Variants in DYM observed in about 807,000 individuals in gnomAD.
DYM encodes the protein dymeclin, also known as dyggve-Melchior-Clausen syndrome protein.
In DYM, 78 loss-of-function variants were observed where a neutral mutation model predicts 93.1. The observed-to-expected ratio is 0.84, with a 90% CI of 0.70 to 1.01. The LOEUF is 1.01. DYM is among the 50% of genes least tolerant of loss of function. DYM has a pLI of 0.00. For missense variants in DYM, 789 were observed against 845.0 expected (o/e 0.93, Z 0.82); for synonymous variants, 321 against 319.7 (o/e 1.00, Z -0.04).
intron 10 of DYM, among the ~76,000 whole-genome samples, chr18:49,272,692 C>A (rs1254128103): frequency 6.6e-6 from 1 of 152,072 alleles, no homozygotes; most frequent in Admixed American, 6.6e-5. Flanking sequence ...TGCTTAGCAC[C>A]ACCTTTTTAA....
intron 13 of DYM, among the ~76,000 whole-genome samples, chr18:49,226,700 A>C (rs1281404689): frequency 6.6e-6 from 1 of 152,204 alleles, no homozygotes; most frequent in Admixed American, 6.5e-5. Flanking sequence ...AGATTTGTTT[A>C]CAACTTACAT....
intron 8 of DYM, among the ~76,000 whole-genome samples, chr18:49,320,330 C>A (rs760443080): frequency 2.6e-5 from 4 of 152,120 alleles, no homozygotes; most frequent in Non-Finnish European, 5.9e-5. Context: ...AAACTCAGCT[C>A]CAAGATTTTA....
chr18:49,309,632 C>G (rs1484748518), intron 8 of DYM, among the ~76,000 whole-genome samples: 4 of 152,002 alleles, frequency 2.6e-5, no homozygotes, highest in African/African-American at 7.3e-5. Context: ...AAGATCCTGT[C>G]TCTAAAAAAA....
chr18:49,314,095 C>T (rs1289904190), intron 8 of DYM, among the ~76,000 whole-genome samples: 2 of 152,172 alleles, frequency 1.3e-5, no homozygotes, highest in East Asian at 3.9e-4. Flanking sequence ...AGTTTCTTCC[C>T]TATCAAATAT....
At chr18:49,297,819 A>G (rs2060653198) in intron 8 of DYM, among the ~76,000 whole-genome samples, 1 of 148,770 alleles carries the variant, frequency 6.7e-6, no homozygotes, top group Non-Finnish European at 1.5e-5. Flanking sequence ...GTGTAATCAG[A>G]AAAAAAAAAG....
chr18:49,225,120 A>T (rs897950471), intron 13 of DYM, among the ~76,000 whole-genome samples: 3 of 152,166 alleles, frequency 2.0e-5, no homozygotes, highest in African/African-American at 7.2e-5. Flanking sequence ...ACTTCCTGAG[A>T]TATCGTTAAT....
At chr18:49,209,751 AGAG>A in intron 13 of DYM, 36 bp from the exon 14 acceptor site, 3 of 1,180,376 alleles carry the variant, frequency 2.5e-6, no homozygotes, top group Middle Eastern at 2.4e-4. Context: ...AAACAGAAAG[AGAG>A]GAGTTTTCCT....
Position 49,041,323 on chromosome 18 carries a change from G to A in DYM, c.*2732C>T, listed in dbSNP as rs950170889. Reference sequence around the variant, plus strand: ...TGGCAGAAGTCTTTGTTGATAAAATGACACAATGCAGTAACAGCTTCAGAT... The same window carrying A: ...TGGCAGAAGTCTTTGTTGATAAAATAACACAATGCAGTAACAGCTTCAGAT... On this transcript the variant is annotated 3_prime_UTR_variant, in exon 18 of 18. Transcript: ENST00000675505. Among the ~76,000 whole-genome samples the A allele has an allele frequency of 1.3e-5, 2 of 152,200 alleles. No individual in the cohort carries two copies. Among genetic ancestry groups the A allele is most frequent in the Non-Finnish European group, 2.9e-5 (2 of 68,026 alleles).
intron 17 of DYM, among the ~76,000 whole-genome samples, chr18:49,091,566 C>T (rs909023768): frequency 6.6e-6 from 1 of 152,098 alleles, no homozygotes; most frequent in African/African-American, 2.4e-5. Flanking sequence ...CTGGAGCAGG[C>T]ATCAGTTCAC....
chr18:49,043,881 T>C lies in DYM; in HGVS notation c.*174A>G, dbSNP rs2071122865. The C allele has an allele frequency of 1.3e-5, 10 of 747,252 alleles. No individual in the cohort carries two copies. In the East Asian group the frequency reaches 2.5e-4, roughly 19 times the overall value. The allele number at this position is 747,252 out of a possible 1,614,324, so 46.3% of individuals were successfully genotyped here. A position where few individuals can be genotyped will look rare whatever the true frequency, so the allele number is the denominator to read the frequency against. ...AATACTATCTACGCTGAGTTATCTA[T>C]TGCCAACTAGCACCAATTCTCCAAA... On this transcript the variant is annotated 3_prime_UTR_variant, in exon 18 of 18. Coordinates refer to ENST00000675505, the MANE Select transcript of DYM (RefSeq NM_001353214.3).
intron 17 of DYM, among the ~76,000 whole-genome samples, chr18:49,078,175 T>A (rs1450015812): frequency 6.6e-6 from 1 of 152,158 alleles, no homozygotes; most frequent in Non-Finnish European, 1.5e-5. Context: ...AACTTACAGA[T>A]AATAATATAT....
chr18:49,434,294 C>T (rs920719906), intron 1 of DYM, among the ~76,000 whole-genome samples: 1 of 151,060 alleles, frequency 6.6e-6, no homozygotes, highest in Non-Finnish European at 1.5e-5. Context: ...TTGCAGTGAG[C>T]TGAGATCTTG....
intron 14 of DYM, among the ~76,000 whole-genome samples, chr18:49,195,417 CTCT>C (rs1377074032): frequency 1.3e-5 from 2 of 152,190 alleles, no homozygotes; most frequent in Admixed American, 6.5e-5. Flanking sequence ...TCAAAATTCT[CTCT>C]TCTAGTTTTT....
intron 17 of DYM, among the ~76,000 whole-genome samples, chr18:49,085,074 A>C (rs1599636364): frequency 6.6e-6 from 1 of 152,188 alleles, no homozygotes; most frequent in East Asian, 1.9e-4. Flanking sequence ...TTTACACTGA[A>C]AAAGAAGAAG....
chr18:49,204,576 A>G (rs1056604638), intron 14 of DYM, among the ~76,000 whole-genome samples: 2 of 152,222 alleles, frequency 1.3e-5, no homozygotes, highest in Non-Finnish European at 2.9e-5. Context: ...TTAGAACTTA[A>G]AATTGGACGT....
chr18:49,379,394 A>T (rs781303968), intron 4 of DYM, among the ~76,000 whole-genome samples: 2 of 152,130 alleles, frequency 1.3e-5, no homozygotes, highest in African/African-American at 2.4e-5. Flanking sequence ...GAGGGGAATT[A>T]CCTTCTTAAC....
chr18:49,350,735 A>G lies in DYM; in HGVS notation c.494+12426T>C, dbSNP rs537032165. 3.5e-3 allele frequency among the ~76,000 whole-genome samples: 529 copies of G among 151,618 alleles called. 3 individuals are homozygous for G. The highest frequency in any genetic ancestry group is 0.012 in the African/African-American group (493 of 41,372). Reference sequence around the variant, plus strand: ...AAAAAAGAAAAAAAAAGAAAAAAAAAAAAAAAACAAGAAACACTTTTTATG... The same window carrying G: ...AAAAAAGAAAAAAAAAGAAAAAAAAGAAAAAAACAAGAAACACTTTTTATG... On this transcript the variant is annotated intron_variant, in intron 6 of 17. Transcript: ENST00000675505.
chr18:49,311,413 A>G (rs1366695161), intron 8 of DYM, among the ~76,000 whole-genome samples: 1 of 152,246 alleles, frequency 6.6e-6, no homozygotes, highest in Non-Finnish European at 1.5e-5. Flanking sequence ...GTAGGTCTGT[A>G]AGAATTCACA....
At chr18:49,458,624 C>G (rs1174619316) in intron 1 of DYM, among the ~76,000 whole-genome samples, 1 of 152,104 alleles carries the variant, frequency 6.6e-6, no homozygotes, top group African/African-American at 2.4e-5. Context: ...AATGCCTGAA[C>G]TCAGGAGTTC....
Sources: gnomAD v4.1 joint callset for allele counts (sites outside exome capture counted in the v4.1 genomes callset) on GRCh38, gnomAD v4.1.1 for gene constraint, MANE v1.5 for transcripts, NCBI Gene and HGNC (gene_info 2026-07-23, HGNC 2026-07-21) for gene names.